The following NDUFAF6 variants were observed in gnomAD, a reference collection of about 807,000 sequenced individuals.
The protein encoded by NDUFAF6 is NADH:ubiquinone oxidoreductase complex assembly factor 6.
A neutral mutation model predicts 40.8 loss-of-function variants in NDUFAF6; 45 were observed. The observed-to-expected ratio is 1.10, with a 90% CI of 0.87 to 1.42. The LOEUF (loss-of-function observed/expected upper bound fraction) is 1.42. NDUFAF6 is among the 40% of genes most tolerant of loss of function. The pLI is 0.00. For synonymous variants in NDUFAF6, 185 were observed against 155.9 expected (o/e 1.19, Z -1.39); for missense variants, 435 against 418.5 (o/e 1.04, Z -0.34).
At chr8:95,092,572 C>T (rs544647511) in intron 2 of NDUFAF6, among the ~76,000 whole-genome samples, 63 of 143,062 alleles carry the variant, frequency 4.4e-4, no homozygotes, top group Admixed American at 2.0e-3. Flanking sequence ...TAATATCTCA[C>T]GAAGCCTTTT....
intron 2 of NDUFAF6, 90 bp from the exon 3 acceptor site, chr8:95,035,364 G>A (rs1228944219): frequency 7.2e-6 from 10 of 1,381,116 alleles, no homozygotes; most frequent in Non-Finnish European, 1.0e-5. Flanking sequence ...ATACAGAACA[G>A]TTACATTAAC....
chr8:95,093,989 G>C (rs577134930), intron 2 of NDUFAF6, among the ~76,000 whole-genome samples: 1 of 149,596 alleles, frequency 6.7e-6, no homozygotes, highest in East Asian at 2.0e-4. Flanking sequence ...GTTTTTTTTT[G>C]AGACAGCGTC....
intron 2 of NDUFAF6, among the ~76,000 whole-genome samples, chr8:95,095,161 A>G (rs146664087): frequency 6.6e-6 from 1 of 152,216 alleles, no homozygotes; most frequent in African/African-American, 2.4e-5. Context: ...CGTGGACTCC[A>G]TAGATTTGGG....
intron 1 of NDUFAF6, among the ~76,000 whole-genome samples, chr8:94,931,587 T>TACACACACAC (rs557721378): frequency 1.6e-3 from 113 of 68,630 alleles, no homozygotes; most frequent in African/African-American, 3.6e-3. Context: ...ACATATTTAT[T>TACACACACAC]ACACACACAC....
intron 1 of NDUFAF6, chr8:94,932,219 A>C: frequency 8.9e-7 from 1 of 1,123,038 alleles, no homozygotes; most frequent in Admixed American, 2.0e-5. Flanking sequence ...ACTATGTGCC[A>C]TTAAAGGCAC....
At chr8:94,974,864 C>T (rs1311511854) in intron 1 of NDUFAF6, 3 of 152,866 alleles carry the variant, frequency 2.0e-5, no homozygotes, top group Non-Finnish European at 4.4e-5. Context: ...CTTCAGAAGC[C>T]TGTCCAGCTA....
chr8:94,918,449 A>T (rs957864455), intron 1 of NDUFAF6, among the ~76,000 whole-genome samples: 1 of 152,200 alleles, frequency 6.6e-6, no homozygotes, highest in East Asian at 1.9e-4. Flanking sequence ...AATCCTGGTC[A>T]GCTCTTTAAT....
At chr8:94,988,534 G>A (rs1426338457) in intron 2 of NDUFAF6, 1 of 151,912 alleles carries the variant, frequency 6.6e-6, no homozygotes, top group African/African-American at 2.4e-5. Flanking sequence ...TCAAAAGTGG[G>A]AAAAAATTCT....
upstream of NDUFAF6, among the ~76,000 whole-genome samples, chr8:94,955,650 G>A (rs1440337894): frequency 2.6e-5 from 4 of 152,266 alleles, no homozygotes; most frequent in South Asian, 6.2e-4. Context: ...AAAGGAAATA[G>A]GATTTTAAAA....
chr8:95,023,750 C>G (rs1217247776), upstream of NDUFAF6, among the ~76,000 whole-genome samples: 2 of 152,170 alleles, frequency 1.3e-5, no homozygotes, highest in African/African-American at 4.8e-5. Context: ...AATCCCAGCA[C>G]TATGGGAGAC....
intron 2 of NDUFAF6, among the ~76,000 whole-genome samples, chr8:94,999,032 G>A (rs2131637624): frequency 6.6e-6 from 1 of 151,596 alleles, no homozygotes; most frequent in East Asian, 1.9e-4. Flanking sequence ...GTATATGTGT[G>A]TTCGTGTGTG....
At chr8:94,944,283 G>C (rs542684744) in intron 1 of NDUFAF6, among the ~76,000 whole-genome samples, 1 of 152,312 alleles carries the variant, frequency 6.6e-6, no homozygotes, top group African/African-American at 2.4e-5. Context: ...TGCTGCATGA[G>C]AGTAAGGCAC....
At position 94,903,151 on chromosome 8, in the gene NDUFAF6, A is replaced by G. The variant is rs544761597; in HGVS notation, c.-936+7224A>G. On this transcript the variant is annotated intron_variant, in intron 1 of 14. Coordinates refer to the NDUFAF6 transcript ENST00000396113. ...TTGGGAGGTGGAAACAGGAGGATCGATTGAGCCTAGGAGTTCGAGACCACC... is the reference window on the plus strand; with the variant it reads ...TTGGGAGGTGGAAACAGGAGGATCGGTTGAGCCTAGGAGTTCGAGACCACC... Among the ~76,000 whole-genome samples, 6 of 152,204 alleles carry G rather than the reference A, an allele frequency of 3.9e-5. No homozygotes were observed. The East Asian group carries it at 9.7e-4, about 24-fold the overall frequency.
downstream of NDUFAF6, among the ~76,000 whole-genome samples, chr8:95,062,822 T>G (rs1832604173): frequency 6.6e-6 from 1 of 152,230 alleles, no homozygotes; most frequent in South Asian, 2.1e-4. Context: ...GTAGATCCTG[T>G]TGCTGCTCCA....
At position 95,046,998 on chromosome 8, in the gene NDUFAF6, A is replaced by G. The variant is rs780688057; in HGVS notation, c.585A>G (p.Ile195Met). 6.2e-7 allele frequency: 1 copy of G among 1,614,088 alleles called. No individual in the cohort carries two copies. Among genetic ancestry groups the G allele is most frequent in the South Asian group, 1.1e-5 (1 of 91,084 alleles). ...LLYLTLEILG[I>M]KDLHADHAAS... is the part of the protein sequence containing the mutation. ...GTGTAATTTCTGAAATCATAGGTAT[A>G]AAGGATCTTCATGCAGATCATGCTG... Residue 195 changes from isoleucine (I) to methionine (M), a missense_variant, in exon 6 of 9, where the codon ATA becomes ATG. Coordinates refer to ENST00000396124, the MANE Select transcript of NDUFAF6 (RefSeq NM_152416.4).
At chr8:94,924,664 G>A (rs1819739133) in intron 1 of NDUFAF6, among the ~76,000 whole-genome samples, 1 of 152,174 alleles carries the variant, frequency 6.6e-6, no homozygotes. Flanking sequence ...AGATTCCCTG[G>A]ACACTCTGTA....
At chr8:94,969,965 C>CCTTAAGATGGGCTGGGCACAGTG (rs1409990477) in intron 1 of NDUFAF6, among the ~76,000 whole-genome samples, 14 of 151,934 alleles carry the variant, frequency 9.2e-5, no homozygotes, top group Non-Finnish European at 4.4e-5. Context: ...CAGATTAAAA[C>CCTTAAGATGGGCTGGGCACAGTG]CTTAAGATGG....
intron 9 of NDUFAF6, chr8:95,072,060 AT>A (rs1022138707): frequency 1.3e-5 from 2 of 152,166 alleles, no homozygotes; most frequent in African/African-American, 4.8e-5. Context: ...TTTCCACCTC[AT>A]CATTTTTTAC....
Position 94,948,358 on chromosome 8 carries a change from C to G in NDUFAF6, c.-799+2739C>G, listed in dbSNP as rs1307938883. On this transcript the variant is annotated intron_variant, in intron 2 of 14. Transcript: ENST00000396113. ...AGGTTATTATGAGAATCAACTGGGG[C>G]GATAAAGCAAAGCCCCCAGCATAGT... 3.3e-5 allele frequency among the ~76,000 whole-genome samples: 5 copies of G among 152,112 alleles called. No homozygotes were observed. The East Asian group carries it at 9.6e-4, about 29-fold the overall frequency.
Sources: allele counts gnomAD v4.1 joint callset (sites outside exome capture counted in the v4.1 genomes callset), GRCh38; gene constraint gnomAD v4.1.1; transcripts MANE v1.5; gene names NCBI Gene and HGNC (gene_info 2026-07-23, HGNC 2026-07-21).